The following ACTR3C variants were observed in gnomAD, a reference collection of about 807,000 sequenced individuals.
The protein encoded by ACTR3C is actin related protein 3C.
ACTR3C carries 18 observed loss-of-function variants against 26.3 expected under a neutral mutation model. The ratio of observed to expected loss-of-function variants is 0.68; its 90% CI spans 0.47 to 1.01. ACTR3C has a LOEUF of 1.01. Ranked by LOEUF, ACTR3C falls within the 50% of genes least tolerant of loss-of-function variation. The probability of loss-of-function intolerance (pLI) is 0.00; values close to 1 mark genes in which losing one functional copy is unlikely to be tolerated. For synonymous variants in ACTR3C, 55 were observed against 94.5 expected, an observed-to-expected ratio of 0.58 and a Z score of 2.42; for missense variants, 184 against 250.7, an observed-to-expected ratio of 0.73 and a Z score of 1.80.
At chr7:150,164,183 C>G in the ACTR3C span, among the ~76,000 whole-genome samples, 5 of 152,146 alleles carry the variant, frequency 3.3e-5, no homozygotes, top group African/African-American at 1.2e-4. Flanking sequence ...GCATGAGAGA[C>G]CATGCTCTCA....
chr7:150,110,695 T>C, the ACTR3C span, among the ~76,000 whole-genome samples: 52 of 63,508 alleles, frequency 8.2e-4, no homozygotes, highest in African/African-American at 3.4e-3. Context: ...GTGGTGGGGC[T>C]GGCAGGGGGC....
chr7:150,239,232 A>T (rs1240120359), downstream of ACTR3C, among the ~76,000 whole-genome samples: 3 of 150,758 alleles, frequency 2.0e-5, no homozygotes, highest in East Asian at 5.9e-4. Flanking sequence ...AAATGTATTC[A>T]AACACCTCTT....
the ACTR3C span, among the ~76,000 whole-genome samples, chr7:149,978,427 A>T: frequency 6.6e-6 from 1 of 151,272 alleles, no homozygotes; most frequent in African/African-American, 2.4e-5. Flanking sequence ...AGACTTTAGG[A>T]AGGGCTTCAT....
chr7:150,310,511 C>A (rs1167875840), intron 1 of ACTR3C, among the ~76,000 whole-genome samples: 2 of 144,380 alleles, frequency 1.4e-5, no homozygotes, highest in African/African-American at 5.9e-5. Flanking sequence ...TCAAATTGTC[C>A]TTCCCAACCA....
the ACTR3C span, among the ~76,000 whole-genome samples, chr7:149,934,032 G>A: frequency 6.6e-6 from 1 of 150,744 alleles, no homozygotes; most frequent in African/African-American, 2.4e-5. Context: ...ATAAATTCTG[G>A]GTGTCAAGTT....
At chr7:150,139,883 C>T in the ACTR3C span, among the ~76,000 whole-genome samples, 14 of 152,166 alleles carry the variant, frequency 9.2e-5, no homozygotes, top group African/African-American at 3.4e-4. Flanking sequence ...GTGATATAAT[C>T]CTAGATCACC....
chr7:150,045,652 G>T, the ACTR3C span, among the ~76,000 whole-genome samples: 34 of 150,228 alleles, frequency 2.3e-4, no homozygotes, highest in Admixed American at 2.2e-3. Flanking sequence ...TTATATCCCT[G>T]ATTTGTTTCT....
intron 2 of ACTR3C, among the ~76,000 whole-genome samples, chr7:150,294,049 C>T (rs956887337): frequency 4.6e-5 from 7 of 152,238 alleles, no homozygotes; most frequent in South Asian, 2.1e-4. Context: ...CATTGGTTTC[C>T]GGCGTGGGGC....
At chr7:150,172,654 A>G in the ACTR3C span, among the ~76,000 whole-genome samples, 1 of 150,338 alleles carries the variant, frequency 6.7e-6, no homozygotes, top group African/African-American at 2.5e-5. Flanking sequence ...TCATTTCGGT[A>G]TTAACCCAAA....
the ACTR3C span, among the ~76,000 whole-genome samples, chr7:149,906,783 C>T: frequency 4.3e-5 from 4 of 93,732 alleles, no homozygotes; most frequent in South Asian, 1.8e-3. Context: ...GGCCTTAAAC[C>T]TCTTCACACC....
At chr7:150,255,649 G>A (rs1391964901) in intron 6 of ACTR3C, among the ~76,000 whole-genome samples, 2 of 152,162 alleles carry the variant, frequency 1.3e-5, no homozygotes, top group African/African-American at 4.8e-5. Context: ...GTAACTAGCA[G>A]GAGAAACCAT....
At chr7:150,204,838 G>C in the ACTR3C span, among the ~76,000 whole-genome samples, 1 of 151,254 alleles carries the variant, frequency 6.6e-6, no homozygotes, top group South Asian at 2.1e-4. Flanking sequence ...AACAGGCCAG[G>C]GAGGACTGGC....
chr7:150,098,482 CT>C, the ACTR3C span, among the ~76,000 whole-genome samples: 5 of 151,840 alleles, frequency 3.3e-5, no homozygotes, highest in African/African-American at 1.2e-4. Context: ...GACTGAAAGC[CT>C]GCACTGTGCT....
the ACTR3C span, among the ~76,000 whole-genome samples, chr7:149,889,210 A>G: frequency 1.6e-4 from 25 of 152,182 alleles, no homozygotes; most frequent in African/African-American, 6.0e-4. Flanking sequence ...TTACTTCACA[A>G]AAGAAGAACT....
rs374676614 is a variant in ACTR3C, at chr7:150,284,777, G to A, written c.540C>T (p.Ile180=). The A allele has an allele frequency of 1.3e-5, 21 of 1,612,850 alleles. No homozygotes were observed. Among genetic ancestry groups the A allele is most frequent in the African/African-American group, 9.4e-5 (7 of 74,844 alleles). Reference sequence around the variant, plus strand: ...CCTTATACAGCGGACGCCGCACATCGATGGGGCAGTTCTGTATTACTTCAT... The same window carrying A: ...CCTTATACAGCGGACGCCGCACATCAATGGGGCAGTTCTGTATTACTTCAT... ...VVDEVIQNCP[I]DVRRPLYKME... The change falls in exon 6 of 8, where the codon ATC becomes ATT. Residue 180 remains isoleucine (I), a synonymous_variant. Coordinates refer to ENST00000683684, the MANE Select transcript of ACTR3C (RefSeq NM_001164458.2).
At chr7:150,108,935 GA>G in the ACTR3C span, among the ~76,000 whole-genome samples, 1 of 151,820 alleles carries the variant, frequency 6.6e-6, no homozygotes, top group Non-Finnish European at 1.5e-5. Flanking sequence ...GAACCTCCTG[GA>G]ACATCAGTGT....
In ACTR3C at chr7:150,247,454, G is replaced by A. The variant is rs1832528740; in HGVS notation, c.*154C>T. ...TTGCCACCAGTTTTGCAGGGAGAGG[G>A]CTTTTAGTGTCTTAGCCATAGTGAC... On this transcript the variant is annotated 3_prime_UTR_variant, in exon 8 of 8. Coordinates refer to ENST00000683684, the MANE Select transcript of ACTR3C (RefSeq NM_001164458.2). 1.4e-5 allele frequency: 2 copies of A among 145,692 alleles called. No individual in the cohort carries two copies. The highest frequency in any genetic ancestry group is 7.0e-5 in the Admixed American group (1 of 14,272). The allele number at this position is 145,692 out of a possible 1,614,324, so 9.0% of individuals were successfully genotyped here. A position where few individuals can be genotyped will look rare whatever the true frequency, so the allele number is the denominator to read the frequency against.
the ACTR3C span, among the ~76,000 whole-genome samples, chr7:150,102,116 C>G: frequency 1.3e-5 from 2 of 151,636 alleles, no homozygotes; most frequent in African/African-American, 4.9e-5. Flanking sequence ...AGAACCATGA[C>G]CACGATGTTG....
the ACTR3C span, among the ~76,000 whole-genome samples, chr7:149,961,097 G>A: frequency 2.0e-5 from 3 of 150,622 alleles, no homozygotes; most frequent in African/African-American, 7.5e-5. Context: ...CTCACAGGAA[G>A]TGTACAGTCA....
Sources: gnomAD v4.1 joint callset for allele counts (sites outside exome capture counted in the v4.1 genomes callset) on GRCh38, gnomAD v4.1.1 for gene constraint, MANE v1.5 for transcripts, NCBI Gene and HGNC (gene_info 2026-07-23, HGNC 2026-07-21) for gene names.